Variants in POLRMT observed in about 807,000 individuals in gnomAD.
POLRMT encodes RNA polymerase mitochondrial.
A neutral mutation model predicts 132.2 loss-of-function variants in POLRMT; 114 were observed. The ratio of observed to expected loss-of-function variants is 0.86; its 90% confidence interval spans 0.74 to 1.01. The LOEUF (loss-of-function observed/expected upper bound fraction) is 1.01, where lower values mean the gene tolerates loss of function less well. Among genes scored for constraint, POLRMT ranks in the 50% least tolerant of loss-of-function variants. POLRMT has a pLI of 0.00. For synonymous variants in POLRMT, 1,020 were observed against 773.4 expected (o/e 1.32, Z -5.29); for missense variants, 2,003 against 1,729.1 (o/e 1.16, Z -2.81).
chr19:619,190 G>A lies in POLRMT; in HGVS notation c.3153+20C>T, dbSNP rs373014555. Reference sequence around the variant, plus strand: ...CTTGCTTAGGGAGTCCTGGCCGAGCGGGGACAGGACAGGACGTACCTGGAT... The same window carrying A: ...CTTGCTTAGGGAGTCCTGGCCGAGCAGGGACAGGACAGGACGTACCTGGAT... On this transcript the variant is annotated intron_variant, in intron 14 of 20. Coordinates refer to ENST00000588649, the MANE Select transcript of POLRMT (RefSeq NM_005035.4). 1.4e-5 allele frequency: 22 copies of A among 1,610,014 alleles called. No individual in the cohort carries two copies. The highest frequency in any genetic ancestry group is 1.7e-4 in the Middle Eastern group (1 of 6,010).
At chr19:630,654 C>A (rs1391338336) in intron 2 of POLRMT, among the ~76,000 whole-genome samples, 3 of 152,146 alleles carry the variant, frequency 2.0e-5, no homozygotes, top group African/African-American at 7.2e-5. Flanking sequence ...TCAACCATGG[C>A]CTGCAAGTTC....
chr19:622,093 G>T (rs924754962), intron 9 of POLRMT, 56 bp downstream of exon 9: 24 of 1,451,230 alleles, frequency 1.7e-5, no homozygotes, highest in Non-Finnish European at 2.1e-5. Flanking sequence ...AACCCCATGG[G>T]GTCCCTGGTC....
chr19:633,073 G>A, intron 1 of POLRMT, 135 bp from the exon 2 acceptor site: 1 of 701,308 alleles, frequency 1.4e-6, no homozygotes, highest in African/African-American at 1.9e-5. Flanking sequence ...GCTTAAGTTG[G>A]AAAGAAACTA....
At chr19:631,856 C>G (rs1985442044) in intron 2 of POLRMT, among the ~76,000 whole-genome samples, 1 of 152,146 alleles carries the variant, frequency 6.6e-6, no homozygotes. Context: ...ATTCTCCTGT[C>G]TCAGTCTCCC....
rs1294936960 is a variant in POLRMT at position 623,440 on chromosome 19, G to A, written c.1290+14C>T. ...GCCCCTGCGGCGGACACGGGACCCC[G>A]GCTCAGCCCCTACCGCGTGCTTGAC... On this transcript the variant is annotated intron_variant, in intron 6 of 20. Coordinates refer to ENST00000588649, the MANE Select transcript of POLRMT (RefSeq NM_005035.4). 1 of 1,609,578 alleles carries A rather than the reference G, an allele frequency of 6.2e-7. No individual in the cohort carries two copies. Among genetic ancestry groups the A allele is most frequent in the Non-Finnish European group, 8.5e-7 (1 of 1,179,230 alleles).
chr19:620,919 GGGCAGGGGGC>G, intron 10 of POLRMT, 129 bp downstream of exon 10: 1 of 163,734 alleles, frequency 6.1e-6, no homozygotes, highest in South Asian at 1.8e-4. Context: ...GGAGGAAGAC[GGGCAGGGGGC>G]GCCAGGGGAG....
chr19:620,310 G>A (rs1984415993), intron 11 of POLRMT, 55 bp downstream of exon 11: 11 of 1,494,422 alleles, frequency 7.4e-6, no homozygotes, highest in Admixed American at 2.3e-5. Flanking sequence ...CTCAAGTCGA[G>A]CCCCAGGCCC....
intron 4 of POLRMT, 58 bp from the exon 5 acceptor site, chr19:624,963 A>T (rs1432429569): frequency 1.3e-6 from 2 of 1,545,780 alleles, no homozygotes; most frequent in Non-Finnish European, 8.7e-7. Flanking sequence ...GCTTCCACAG[A>T]CCCCAGGGGA....
Position 625,197 on chromosome 19 carries a change from GA to G in POLRMT, c.879del (p.Pro294ArgfsTer30). On this transcript the variant is annotated frameshift_variant, in exon 4 of 21. Transcript: ENST00000588649. LOFTEE classifies it high-confidence loss of function. ...GCAGCCGCATAGGACAGCAGGTCCGGAGTCAAGCCGGCATCCTTCACCATGA... is the reference window on the plus strand; with the variant it reads ...GCAGCCGCATAGGACAGCAGGTCCGGGTCAAGCCGGCATCCTTCACCATGA... ...VLFMVKDAGL[T>X]PDLLSYAAAL... is the part of the protein sequence containing the mutation. The G allele has an allele frequency of 6.2e-7, 1 of 1,614,088 alleles. No homozygotes were observed. The highest frequency in any genetic ancestry group is 1.1e-5 in the South Asian group (1 of 91,084).
intron 12 of POLRMT, 24 bp from the exon 13 acceptor site, chr19:619,789 C>T (rs749546904): frequency 2.6e-6 from 4 of 1,552,252 alleles, no homozygotes; most frequent in South Asian, 2.4e-5. Context: ...GGGCCGGGGG[C>T]GCGGGTCAGC....
chr19:629,682 A>G lies in POLRMT; in HGVS notation c.680T>C (p.Leu227Pro). The G allele has an allele frequency of 6.2e-7, 1 of 1,608,868 alleles. No individual in the cohort carries two copies. Among genetic ancestry groups the G allele is most frequent in the Non-Finnish European group, 8.5e-7 (1 of 1,178,552 alleles). Residue 227 changes from leucine to proline, a missense_variant, in exon 3 of 21, where the codon CTG becomes CCG. Transcript: ENST00000588649. ...GAGCAGGCAGCACTTGAAGAAGGCC[A>G]GGAGCCTCTGCTGCTGACCTGAGAG... ...AQLSGQQQRL[L>P]AFFKCCLLTD...
chr19:622,472 G>C (rs943296405), intron 8 of POLRMT, 99 bp from the exon 9 acceptor site: 1 of 1,467,518 alleles, frequency 6.8e-7, no homozygotes, highest in Non-Finnish European at 9.1e-7. Context: ...GTCAGCCCAA[G>C]CATACAGATG....
Position 621,268 on chromosome 19 carries a change from C to T in POLRMT, c.2430G>A (p.Pro810=), listed in dbSNP as rs750290729. The T allele has an allele frequency of 1.1e-5, 17 of 1,607,422 alleles. No homozygotes were observed. Among genetic ancestry groups the T allele is most frequent in the Admixed American group, 3.3e-5 (2 of 59,748 alleles). Residue 810 remains proline, a synonymous_variant, in exon 10 of 21, where the codon CCG becomes CCA. Transcript: ENST00000588649. ...MDFRGRTYPC[P]PHFNHLGSDV... ...CGCTGCCCAGGTGGTTGAAGTGCGG[C>T]GGGCAGGGGTAGGTGCGGCCGCGGA...
In POLRMT at chr19:621,216, C is replaced by T. The variant is rs767406198; in HGVS notation, c.2482G>A (p.Ala828Thr). ...SDVARALLEFAQGRPLGPHGL... is the reference protein window; with the variant it reads ...SDVARALLEFTQGRPLGPHGL... The stretch of plus-strand genomic sequence containing the variant: ...TGCGGGCCGAGCGGGCGGCCCTGGG[C>T]GAACTCCAGCAGGGCCCGCGCCACG... Residue 828 changes from alanine to threonine, a missense_variant, in exon 10 of 21, where the codon GCC (alanine) becomes ACC (threonine). Ala to Thr is a moderately conservative substitution (Grantham distance 58). Coordinates refer to ENST00000588649, the MANE Select transcript of POLRMT (RefSeq NM_005035.4). 2.0e-5 allele frequency: 33 copies of T among 1,609,828 alleles called. No individual in the cohort carries two copies. The Admixed American group carries it at 5.5e-4, about 27-fold the overall frequency.
intron 2 of POLRMT, among the ~76,000 whole-genome samples, 196 bp from the exon 3 acceptor site, chr19:630,364 G>A (rs556017042): frequency 1.3e-5 from 2 of 152,116 alleles, no homozygotes; most frequent in South Asian, 2.1e-4. Context: ...CACCACCTCC[G>A]CACCTCCCCA....
rs1327513412 is a variant in POLRMT at position 624,864 on chromosome 19, G to A, written c.995C>T (p.Ala332Val). The change falls in exon 5 of 21, where the codon GCA (alanine) becomes GTA (valine). Residue 332 changes from alanine to valine, a missense_variant. Coordinates refer to ENST00000588649, the MANE Select transcript of POLRMT (RefSeq NM_005035.4). ...AGACAGCAGAACGGCGGTGAAGAGT[G>A]CCTGCAGCTTCAGCCCCTCCTGGCT... The part of the protein sequence containing the change: ...QMSQEGLKLQ[A>V]LFTAVLLSEE... The A allele has an allele frequency of 6.2e-7, 1 of 1,612,966 alleles. No individual in the cohort carries two copies. Among genetic ancestry groups the A allele is most frequent in the South Asian group, 1.1e-5 (1 of 91,084 alleles).
rs371453888 is a variant in POLRMT at position 629,956 on chromosome 19, G to T, written c.406C>A (p.Arg136Ser). 146 of 1,613,666 alleles carry T rather than the reference G, an allele frequency of 9.0e-5. No individual in the cohort carries two copies. The highest frequency in any genetic ancestry group is 1.2e-4 in the Non-Finnish European group (137 of 1,180,038). ...LEKDKRTQQM[R>S]MQRLKAKLQM... ...AGCTTCGCCTTCAACCGCTGCATAC[G>T]CATCTGCTGGGTCCGCTTATCCTTC... Residue 136 changes from arginine (R) to serine (S), a missense_variant, in exon 3 of 21, where the codon CGT (arginine) becomes AGT (serine). By Grantham distance (110) the Arg-to-Ser change is moderately radical (BLOSUM62 -1). Transcript: ENST00000588649.
chr19:631,955 A>G (rs1167339577), intron 2 of POLRMT, among the ~76,000 whole-genome samples: 1 of 152,168 alleles, frequency 6.6e-6, no homozygotes, highest in Non-Finnish European at 1.5e-5. Flanking sequence ...TTGTATTTTT[A>G]GTAGAGACAG....
At chr19:618,195 C>T (rs945005139) in intron 17 of POLRMT, 18 of 544,498 alleles carry the variant, frequency 3.3e-5, no homozygotes, top group Non-Finnish European at 3.3e-5. Context: ...TCTGCTGGAA[C>T]GACCTCCACG....
Sources: gnomAD v4.1 joint callset for allele counts (sites outside exome capture counted in the v4.1 genomes callset) on GRCh38, gnomAD v4.1.1 for gene constraint, MANE v1.5 for transcripts, NCBI Gene and HGNC (gene_info 2026-07-23, HGNC 2026-07-21) for gene names.